The following ZCCHC7 variants were observed in gnomAD, a reference collection of about 807,000 sequenced individuals.
ZCCHC7 encodes zinc finger CCHC domain-containing protein 7.
A neutral mutation model predicts 52.0 loss-of-function variants in ZCCHC7; 35 were observed. The ratio of observed to expected loss-of-function variants is 0.67; its 90% CI spans 0.51 to 0.89. The LOEUF is 0.89. Among genes scored for constraint, ZCCHC7 ranks in the 40% least tolerant of loss-of-function variants. The pLI is 0.00. For synonymous variants in ZCCHC7, 217 were observed against 221.5 expected (o/e 0.98, Z 0.18); for missense variants, 574 against 649.1 (o/e 0.88, Z 1.26).
intron 2 of ZCCHC7, among the ~76,000 whole-genome samples, chr9:37,154,496 T>C (rs1820702962): frequency 6.6e-6 from 1 of 152,134 alleles, no homozygotes; most frequent in African/African-American, 2.4e-5. Flanking sequence ...TTTTGTTGGC[T>C]TTTTTTGAGA....
chr9:37,352,728 G>C (rs1263561197), intron 7 of ZCCHC7, among the ~76,000 whole-genome samples: 1 of 146,584 alleles, frequency 6.8e-6, no homozygotes, highest in Non-Finnish European at 1.5e-5. Flanking sequence ...GTTTCACCAT[G>C]TTGGCCATCT....
intron 2 of ZCCHC7, among the ~76,000 whole-genome samples, chr9:37,212,072 C>CAAAAAAAAAAA (rs1824268858): frequency 1.3e-5 from 1 of 77,564 alleles, no homozygotes; most frequent in East Asian, 5.4e-4. Flanking sequence ...AAAAGAAAAT[C>CAAAAAAAAAAA]TTTGGCAAAA....
chr9:37,200,420 A>C (rs555358066), intron 2 of ZCCHC7, among the ~76,000 whole-genome samples: 1 of 152,150 alleles, frequency 6.6e-6, no homozygotes. Flanking sequence ...TGTTTTCCTC[A>C]TATTCCTTAC....
At chr9:37,255,874 C>G (rs1028645212) in intron 2 of ZCCHC7, among the ~76,000 whole-genome samples, 1 of 152,146 alleles carries the variant, frequency 6.6e-6, no homozygotes, top group African/African-American at 2.4e-5. Flanking sequence ...GCCACAGATT[C>G]TTAACAGTGC....
chr9:37,145,173 G>A (rs1202228764), intron 2 of ZCCHC7, among the ~76,000 whole-genome samples: 1 of 151,886 alleles, frequency 6.6e-6, no homozygotes, highest in African/African-American at 2.4e-5. Context: ...GGGCTAAAGG[G>A]AAGTTTTAAC....
intron 2 of ZCCHC7, among the ~76,000 whole-genome samples, chr9:37,239,617 C>T (rs1053067731): frequency 1.2e-4 from 18 of 152,062 alleles, no homozygotes; most frequent in African/African-American, 3.4e-4. Flanking sequence ...GCTAGGCCAC[C>T]ACACTGTCAT....
At position 37,356,839 on chromosome 9, in the gene ZCCHC7, C is replaced by T. The variant is rs1336544846; in HGVS notation, c.1203C>T (p.Leu401=). ...EKRLKQKIKV[L]KKNGVIPEPS... ...AAATACTTTTATATTTTTCAGTACT[C>T]AAGAAAAATGGGGTTATCCCAGAGC... The change falls in exon 9 of 9, where the codon CTC becomes CTT. Residue 401 remains leucine, a synonymous_variant. Transcript: ENST00000336755. 3 of 1,578,416 alleles carry T rather than the reference C, an allele frequency of 1.9e-6. No individual in the cohort carries two copies. Among genetic ancestry groups the T allele is most frequent in the Non-Finnish European group, 2.6e-6 (3 of 1,169,294 alleles).
At chr9:37,250,060 C>A (rs1202641590) in intron 2 of ZCCHC7, among the ~76,000 whole-genome samples, 1 of 152,168 alleles carries the variant, frequency 6.6e-6, no homozygotes, top group Non-Finnish European at 1.5e-5. Flanking sequence ...GATCACTTAT[C>A]CTCATAGTTA....
intron 2 of ZCCHC7, among the ~76,000 whole-genome samples, chr9:37,218,060 C>T (rs1319107526): frequency 6.6e-6 from 1 of 152,040 alleles, no homozygotes; most frequent in Non-Finnish European, 1.5e-5. Flanking sequence ...TAGCAGTAGC[C>T]TATGAAAAAT....
At chr9:37,272,489 G>T in intron 2 of ZCCHC7, among the ~76,000 whole-genome samples, 1 of 132,732 alleles carries the variant, frequency 7.5e-6, no homozygotes, top group South Asian at 2.5e-4. Context: ...AAAGCTGTGT[G>T]GTAAAAAAAA....
intron 2 of ZCCHC7, among the ~76,000 whole-genome samples, chr9:37,157,436 G>C (rs1820874456): frequency 6.6e-6 from 1 of 152,118 alleles, no homozygotes; most frequent in Non-Finnish European, 1.5e-5. Context: ...AGGCTATAGT[G>C]AGCCATGATT....
At chr9:37,273,670 G>A (rs1325967590) in intron 2 of ZCCHC7, among the ~76,000 whole-genome samples, 2 of 152,164 alleles carry the variant, frequency 1.3e-5, no homozygotes, top group Admixed American at 6.5e-5. Flanking sequence ...TCAATATTTG[G>A]TGGTGTTAAA....
chr9:37,315,222 A>G (rs1304551258), intron 5 of ZCCHC7, among the ~76,000 whole-genome samples: 3 of 152,118 alleles, frequency 2.0e-5, no homozygotes, highest in Non-Finnish European at 4.4e-5. Flanking sequence ...AAGTATACAT[A>G]CCAGGCTCTT....
chr9:37,283,436 A>G (rs1828065813), intron 2 of ZCCHC7, among the ~76,000 whole-genome samples: 1 of 152,320 alleles, frequency 6.6e-6, no homozygotes, highest in African/African-American at 2.4e-5. Context: ...GTTTGAAAAC[A>G]GAAAACTTTA....
At chr9:37,277,679 A>G (rs1279300379) in intron 2 of ZCCHC7, among the ~76,000 whole-genome samples, 1 of 152,156 alleles carries the variant, frequency 6.6e-6, no homozygotes, top group African/African-American at 2.4e-5. Context: ...GGAAATCCCA[A>G]TTCTTACTGA....
At chr9:37,236,958 A>G (rs1372921443) in intron 2 of ZCCHC7, among the ~76,000 whole-genome samples, 2 of 152,174 alleles carry the variant, frequency 1.3e-5, no homozygotes, top group Non-Finnish European at 2.9e-5. Flanking sequence ...GAACTTCTTC[A>G]AGAGGGGTGC....
At chr9:37,148,611 T>C (rs1843546260) in intron 2 of ZCCHC7, among the ~76,000 whole-genome samples, 1 of 152,076 alleles carries the variant, frequency 6.6e-6, no homozygotes, top group Non-Finnish European at 1.5e-5. Context: ...CACTTTGCAG[T>C]GATAACTCAT....
intron 2 of ZCCHC7, among the ~76,000 whole-genome samples, chr9:37,262,653 C>G (rs1285499717): frequency 6.6e-6 from 1 of 152,190 alleles, no homozygotes; most frequent in Non-Finnish European, 1.5e-5. Context: ...CAGGGAAAAT[C>G]ATACATTTTG....
At chr9:37,207,303 G>C (rs1359631293) in intron 2 of ZCCHC7, among the ~76,000 whole-genome samples, 2 of 152,014 alleles carry the variant, frequency 1.3e-5, no homozygotes, top group East Asian at 3.9e-4. Flanking sequence ...TATTTCTACT[G>C]TGTTCTGGCA....
Sources: allele counts gnomAD v4.1 joint callset (sites outside exome capture counted in the v4.1 genomes callset), GRCh38; gene constraint gnomAD v4.1.1; transcripts MANE v1.5; gene names NCBI Gene and HGNC (gene_info 2026-07-23, HGNC 2026-07-21).